The following EOLA2 variants were observed in gnomAD, a reference collection of about 807,000 sequenced individuals.
The protein encoded by EOLA2 is protein EOLA2.
EOLA2 carries 3 observed loss-of-function variants against 4.1 expected under a neutral mutation model. The ratio of observed to expected loss-of-function variants is 0.73; its 90% CI spans 0.33 to 1.89. The LOEUF is 1.89. EOLA2 is among the 40% of genes most tolerant of loss of function. EOLA2 has a pLI of 0.08. For synonymous variants in EOLA2, 52 were observed against 51.7 expected (o/e 1.01, Z -0.03); for missense variants, 109 against 126.4 (o/e 0.86, Z 0.66).
chrX:149,938,031 G>A (rs1202737931), intron 1 of EOLA2, 162 bp downstream of exon 1: 1 of 112,985 alleles, frequency 8.9e-6, no homozygotes, highest in Non-Finnish European at 1.9e-5. Context: ...CTTAGAAGGA[G>A]GGGGGCCGAG....
chrX:149,934,906 G>C (rs1401911446), intron 2 of EOLA2, among the ~76,000 whole-genome samples: 1 of 112,312 alleles, frequency 8.9e-6, no homozygotes, highest in Non-Finnish European at 1.9e-5. Context: ...ATAGACTCTT[G>C]AGATGCCTCA....
chrX:149,930,698 A>G, downstream of EOLA2: 1 of 299,706 alleles, frequency 3.3e-6, no homozygotes. Flanking sequence ...CCCAACTCCA[A>G]AGAGAAAGAA....
At chrX:149,937,375 T>C (rs1336959916) in intron 2 of EOLA2, 58 bp downstream of exon 2, 1 of 413,842 alleles carries the variant, frequency 2.4e-6, no homozygotes, top group African/African-American at 2.7e-5. Context: ...GGAACTGATG[T>C]AACTGAAAAG....
chrX:149,932,340 A>C lies in EOLA2; in HGVS notation c.*204T>G. The C allele has an allele frequency of 2.1e-6, 2 of 957,022 alleles. No individual in the cohort carries two copies. Among genetic ancestry groups the C allele is most frequent in the South Asian group, 5.9e-5 (2 of 34,117 alleles). 78.9% of individuals were successfully genotyped at this position (957,022 alleles called of 1,213,427 possible). On this transcript the variant is annotated 3_prime_UTR_variant, in exon 5 of 5. Transcript: ENST00000370406. ...TTGCCTGTGTGCCTAAGGAGGCATC[A>C]CACAAGGAAAGCCCCACCCCCTACT...
rs1247482597 is a variant in EOLA2, at chrX:149,935,710, C to G, written c.-162-1573G>C. Among the ~76,000 whole-genome samples the G allele has an allele frequency of 5.7e-5, 6 of 104,764 alleles. No individual in the cohort carries two copies. The East Asian group carries it at 1.6e-3, about 28-fold the overall frequency. The allele number at this position is 104,764 out of a possible 115,157, so 91.0% of individuals were successfully genotyped here. ...TGAATCCCGTGGTGCAGGCCACCCC[C>G]CTTCAGACTCAGCCTTAGGTGGACA... On this transcript the variant is annotated intron_variant, in intron 2 of 4. Coordinates refer to ENST00000370406, the MANE Select transcript of EOLA2 (RefSeq NM_001013845.2).
At chrX:149,935,198 C>T (rs1557375627) in intron 2 of EOLA2, among the ~76,000 whole-genome samples, 1 of 82,581 alleles carries the variant, frequency 1.2e-5, no homozygotes, top group African/African-American at 4.6e-5. Flanking sequence ...GGTATTCACT[C>T]CTTTCCCAGT....
chrX:149,934,332 C>A (rs2090941995), intron 2 of EOLA2, 195 bp from the exon 3 acceptor site: 2 of 558,786 alleles, frequency 3.6e-6, no homozygotes, highest in African/African-American at 4.9e-5. Context: ...CTGTGCCCTG[C>A]CAATACTCTC....
At chrX:149,930,073 C>G (rs2090856179), downstream of EOLA2, 5 of 1,159,616 alleles carry the variant, frequency 4.3e-6, no homozygotes, top group African/African-American at 5.7e-5. Context: ...AGCTGAACCT[C>G]TATGGATTCT....
chrX:149,932,657 T>G lies in EOLA2; in HGVS notation c.364A>C (p.Thr122Pro). ...ALTNLKQKYL[T>P]VISNPRWLLE... ...AACCACCTGGGGTTTGAAATCACAG[T>G]CAGGTACTTCTGCTTCAGGTTGGTC... The change falls in exon 5 of 5, where the codon ACT (threonine) becomes CCT (proline). Residue 122 changes from threonine (T) to proline (P), a missense_variant. Coordinates refer to ENST00000370406, the MANE Select transcript of EOLA2 (RefSeq NM_001013845.2). 8.3e-7 allele frequency: 1 copy of G among 1,208,017 alleles called. No homozygotes were observed. The highest frequency in any genetic ancestry group is 1.1e-6 in the Non-Finnish European group (1 of 894,247).
intron 2 of EOLA2, among the ~76,000 whole-genome samples, chrX:149,937,131 G>C (rs1432087986): frequency 2.7e-5 from 3 of 109,846 alleles, no homozygotes; most frequent in Non-Finnish European, 3.8e-5. Flanking sequence ...TCACACACTT[G>C]TGGCCCCTGA....
In EOLA2 at chrX:149,932,540, C is replaced by T. The variant is rs182894107; in HGVS notation, c.*4G>A. ...GGAACATTCCTTTCAGGAGCCCACA[C>T]TTGTCACACTTCATGCCCCAAAGGG... On this transcript the variant is annotated 3_prime_UTR_variant, in exon 5 of 5. Transcript: ENST00000370406. The T allele has an allele frequency of 5.3e-4, 641 of 1,200,973 alleles. 5 individuals are homozygous for T. In the African/African-American group the frequency reaches 0.01, roughly 19 times the overall value.
chrX:149,934,453 G>A (rs1451716284), intron 2 of EOLA2: 19 of 731,651 alleles, frequency 2.6e-5, no homozygotes, highest in African/African-American at 4.7e-5. Context: ...AGGATGCACC[G>A]TGACCTCAGA....
At chrX:149,937,263 A>G (rs1203081563) in intron 2 of EOLA2, among the ~76,000 whole-genome samples, 170 bp downstream of exon 2, 24 of 112,469 alleles carry the variant, frequency 2.1e-4, no homozygotes, top group African/African-American at 7.8e-4. Flanking sequence ...AAATGGCTAC[A>G]GTGAATGTTT....
chrX:149,934,732 G>A (rs1457540626), intron 2 of EOLA2, among the ~76,000 whole-genome samples: 1 of 112,439 alleles, frequency 8.9e-6, no homozygotes, highest in Non-Finnish European at 1.9e-5. Flanking sequence ...TATGGCTGAG[G>A]AGAATGAGGC....
Position 149,937,432 on chromosome X carries a change from C to T in EOLA2, c.-163+1G>A, listed in dbSNP as rs188233404. On this transcript the variant is annotated splice_donor_variant, in intron 2 of 4. Transcript: ENST00000370406. LOFTEE classifies it low-confidence loss of function (5UTR_SPLICE). ...CTCCTACCTGGTGCTGCAGAGAGTA[C>T]CTGCTTTACGGCCAGAGGAGGAAAC... 7.0e-4 allele frequency: 512 copies of T among 726,603 alleles called. 1 individual carries two copies. The African/African-American group carries it at 0.012, about 16-fold the overall frequency. The allele number at this position is 726,603 out of a possible 1,213,427, so 59.9% of individuals were successfully genotyped here.
At chrX:149,933,390 G>C (rs2090913711) in intron 4 of EOLA2, among the ~76,000 whole-genome samples, 1 of 111,011 alleles carries the variant, frequency 9.0e-6, no homozygotes, top group South Asian at 3.9e-4. Flanking sequence ...ACTGAGATCA[G>C]AAACAGAACT....
At chrX:149,937,891 TGCACC>T (rs1281199896) in intron 1 of EOLA2, among the ~76,000 whole-genome samples, 1 of 112,853 alleles carries the variant, frequency 8.9e-6, no homozygotes, top group Non-Finnish European at 1.9e-5. Flanking sequence ...CACAGAGCTA[TGCACC>T]GCCCGGCCTG....
intron 2 of EOLA2, among the ~76,000 whole-genome samples, chrX:149,937,230 G>C (rs2091019838): frequency 8.9e-6 from 1 of 112,047 alleles, no homozygotes; most frequent in Non-Finnish European, 1.9e-5. Flanking sequence ...TCCCCCACAG[G>C]GCCTGGCCAC....
chrX:149,931,260 A>T, downstream of EOLA2: 1 of 393,822 alleles, frequency 2.5e-6, no homozygotes, highest in Non-Finnish European at 3.8e-6. Flanking sequence ...ATTCCATGGA[A>T]ATAAATAATA....
Sources: allele counts gnomAD v4.1 joint callset (sites outside exome capture counted in the v4.1 genomes callset), GRCh38; gene constraint gnomAD v4.1.1; transcripts MANE v1.5; gene names NCBI Gene and HGNC (gene_info 2026-07-23, HGNC 2026-07-21).